PTPN20: variants seen among roughly 807,000 people sequenced by gnomAD.
PTPN20 encodes protein tyrosine phosphatase non-receptor type 20, also known as tyrosine-protein phosphatase non-receptor type 20.
PTPN20 carries 9 observed loss-of-function variants against 35.0 expected under a neutral mutation model. That is an observed-to-expected ratio of 0.26 (90% CI 0.15 to 0.45). The LOEUF is 0.45. Ranked by LOEUF, PTPN20 falls within the 20% of genes least tolerant of loss-of-function variation. The pLI is 1.00. For missense variants in PTPN20, 111 were observed against 312.5 expected (o/e 0.36, Z 4.86); for synonymous variants, 32 against 100.2 (o/e 0.32, Z 4.06).
At chr10:46,989,973 TA>T (rs1443845504) in intron 9 of PTPN20, among the ~76,000 whole-genome samples, 24 of 97,162 alleles carry the variant, frequency 2.5e-4, no homozygotes, top group African/African-American at 8.4e-4. Context: ...GAAGATCTTT[TA>T]TATTTCTGTG....
At chr10:47,002,505 T>C (rs1299545064), downstream of PTPN20, 2 of 152,054 alleles carry the variant, frequency 1.3e-5, no homozygotes, top group Non-Finnish European at 1.5e-5. Context: ...GCATTTGTTT[T>C]CACTTCATTC....
intron 9 of PTPN20, among the ~76,000 whole-genome samples, chr10:46,994,255 AG>A (rs1223950976): frequency 6.9e-6 from 1 of 144,800 alleles, no homozygotes. Context: ...GAGCTTTGAG[AG>A]TTTTATTATT....
intron 9 of PTPN20, among the ~76,000 whole-genome samples, chr10:46,998,186 G>A (rs2059478573): frequency 6.6e-6 from 1 of 152,142 alleles, no homozygotes; most frequent in Non-Finnish European, 1.5e-5. Context: ...AATGTTCATA[G>A]CAGATTATAT....
Position 46,999,851 on chromosome 10 carries a change from TC to T in PTPN20, c.1135-60del. The T allele has an allele frequency of 1.9e-6, 3 of 1,579,758 alleles. No homozygotes were observed. The South Asian group carries it at 3.4e-5, about 18-fold the overall frequency. ...ACATCTCTTTCACCCTTTTTGGCAA[TC>T]TGTGAATTTGTGTTTTTCCCCCATG... is the stretch of plus-strand genomic sequence containing the variant. On this transcript the variant is annotated intron_variant, in intron 9 of 10. Coordinates refer to ENST00000374339, the MANE Select transcript of PTPN20 (RefSeq NM_001042357.5).
chr10:46,960,695 C>T (rs1351481295), intron 5 of PTPN20, among the ~76,000 whole-genome samples: 1 of 152,160 alleles, frequency 6.6e-6, no homozygotes, highest in African/African-American at 2.4e-5. Context: ...CTTTTTCTTA[C>T]TTCTGTGTGT....
intron 5 of PTPN20, among the ~76,000 whole-genome samples, chr10:46,954,532 T>C (rs2047862782): frequency 6.9e-6 from 1 of 144,004 alleles, no homozygotes; most frequent in Non-Finnish European, 1.5e-5. Flanking sequence ...GTCTAACTTA[T>C]GGGACTAGAG....
chr10:46,937,354 C>G (rs1163564915), intron 2 of PTPN20, among the ~76,000 whole-genome samples: 1 of 151,468 alleles, frequency 6.6e-6, no homozygotes, highest in African/African-American at 2.4e-5. Flanking sequence ...TGTGATTTTT[C>G]TATAAGCTCA....
intron 9 of PTPN20, among the ~76,000 whole-genome samples, chr10:46,988,900 A>T: frequency 6.8e-6 from 1 of 147,222 alleles, no homozygotes; most frequent in African/African-American, 2.5e-5. Context: ...ATTTCCTTTC[A>T]GCTAGTTTGT....
Position 46,936,204 on chromosome 10 carries a change from C to T in PTPN20, c.34+3671C>T, listed in dbSNP as rs1377468540. On this transcript the variant is annotated intron_variant, in intron 2 of 10. Coordinates refer to ENST00000374339, the MANE Select transcript of PTPN20 (RefSeq NM_001042357.5). The stretch of plus-strand genomic sequence containing the variant: ...TCATTATAAGTTCTGGATATTAGAC[C>T]ATGTGTTCTGCCAGGTTTTGGTATC... Among the ~76,000 whole-genome samples, 268 of 151,922 alleles carry T rather than the reference C, an allele frequency of 1.8e-3. 3 individuals are homozygous for T. The highest frequency in any genetic ancestry group is 6.4e-3 in the African/African-American group (263 of 41,390).
At chr10:46,951,219 T>A (rs1253195348) in intron 5 of PTPN20, among the ~76,000 whole-genome samples, 3 of 152,148 alleles carry the variant, frequency 2.0e-5, no homozygotes, top group Non-Finnish European at 4.4e-5. Flanking sequence ...GGTCTCGAAC[T>A]CCTGACATTG....
At chr10:46,953,374 TC>T (rs2047360142) in intron 5 of PTPN20, among the ~76,000 whole-genome samples, 1 of 142,978 alleles carries the variant, frequency 7.0e-6, no homozygotes, top group Non-Finnish European at 1.5e-5. Context: ...TTTCTTTCTT[TC>T]TTTCTTTCTT....
intron 5 of PTPN20, among the ~76,000 whole-genome samples, chr10:46,954,942 A>G (rs2048016147): frequency 6.6e-6 from 1 of 151,590 alleles, no homozygotes; most frequent in Non-Finnish European, 1.5e-5. Context: ...TAACAATACA[A>G]CAACAAAAAA....
chr10:46,932,479 C>T lies in PTPN20; in HGVS notation c.-21C>T. 4 of 1,611,960 alleles carry T rather than the reference C, an allele frequency of 2.5e-6. No individual in the cohort carries two copies. Among genetic ancestry groups the T allele is most frequent in the South Asian group, 2.2e-5 (2 of 90,994 alleles). ...TTCTGAAGAAGCCTTTTACCAGTCT[C>T]ATTTAGGGGATGGGAACAACATGTC... On this transcript the variant is annotated 5_prime_UTR_variant, in exon 2 of 11. Transcript: ENST00000374339.
At chr10:47,003,601 A>G (rs1590089938), downstream of PTPN20, among the ~76,000 whole-genome samples, 2 of 152,132 alleles carry the variant, frequency 1.3e-5, no homozygotes, top group Admixed American at 1.3e-4. Context: ...CCCACAGGCC[A>G]TATCTGACTT....
At position 47,002,318 on chromosome 10, in the gene PTPN20, G is replaced by A. The variant is rs1204338229; in HGVS notation, c.*1577G>A. 2 of 152,048 alleles carry A rather than the reference G, an allele frequency of 1.3e-5. No homozygotes were observed. The highest frequency in any genetic ancestry group is 4.8e-5 in the African/African-American group (2 of 41,370). 9.4% of individuals were successfully genotyped at this position (152,048 alleles called of 1,614,324 possible). A position where few individuals can be genotyped will look rare whatever the true frequency, so the allele number is the denominator to read the frequency against. On this transcript the variant is annotated 3_prime_UTR_variant, in exon 11 of 11. Coordinates refer to ENST00000374339, the MANE Select transcript of PTPN20 (RefSeq NM_001042357.5). ...CTATTATTAAAATAAAATATTTACT[G>A]TGTATTGCCTGAAGTATTTTTATTT...
chr10:46,976,724 CTT>C (rs2053740337), intron 7 of PTPN20, among the ~76,000 whole-genome samples: 1 of 142,362 alleles, frequency 7.0e-6, no homozygotes, highest in Non-Finnish European at 1.5e-5. Flanking sequence ...TCAGTCTACT[CTT>C]GTCTTTTTTT....
chr10:46,997,673 G>A (rs1254790886), intron 9 of PTPN20, among the ~76,000 whole-genome samples: 8 of 147,446 alleles, frequency 5.4e-5, no homozygotes, highest in Non-Finnish European at 1.2e-4. Flanking sequence ...ATCCAACAAA[G>A]GCCTTGGATC....
In PTPN20 at chr10:47,000,893, G is replaced by A; in HGVS notation, c.*152G>A. ...ATTTTCTTTCTAAAAGCTCCCTGAA[G>A]GGCAATATCATTTGGCTTGGGGTGA... On this transcript the variant is annotated 3_prime_UTR_variant, in exon 11 of 11. Transcript: ENST00000374339. 1 of 927,186 alleles carries A rather than the reference G, an allele frequency of 1.1e-6. No homozygotes were observed. The highest frequency in any genetic ancestry group is 1.4e-5 in the South Asian group (1 of 72,512). The allele number at this position is 927,186 out of a possible 1,614,324, so 57.4% of individuals were successfully genotyped here. A position where few individuals can be genotyped will look rare whatever the true frequency, so the allele number is the denominator to read the frequency against.
At chr10:46,938,917 A>G (rs2042563845) in intron 2 of PTPN20, among the ~76,000 whole-genome samples, 1 of 147,220 alleles carries the variant, frequency 6.8e-6, no homozygotes, top group Non-Finnish European at 1.5e-5. Flanking sequence ...ATGAAAGTCA[A>G]TTGTAGGTTG....
Sources: gnomAD v4.1 joint callset for allele counts (sites outside exome capture counted in the v4.1 genomes callset) on GRCh38, gnomAD v4.1.1 for gene constraint, MANE v1.5 for transcripts, NCBI Gene and HGNC (gene_info 2026-07-23, HGNC 2026-07-21) for gene names.